KIAA1210: variants seen among roughly 807,000 people sequenced by gnomAD.
KIAA1210 encodes the protein acrosomal protein KIAA1210.
A neutral mutation model predicts 78.9 loss-of-function variants in KIAA1210; 48 were observed. That is an observed-to-expected ratio of 0.61 (90% CI 0.48 to 0.77). The LOEUF is 0.77. Among genes scored for constraint, KIAA1210 ranks in the 30% least tolerant of loss-of-function variants. The probability of loss-of-function intolerance (pLI) is 0.00; values close to 1 mark genes in which losing one functional copy is unlikely to be tolerated. For synonymous variants in KIAA1210, 406 were observed against 404.5 expected (o/e 1.00, Z -0.04); for missense variants, 1,108 against 1,100.0 (o/e 1.01, Z -0.10).
In KIAA1210 at chrX:119,142,207, T is replaced by A. The variant is rs1357930854; in HGVS notation, c.410+5266A>T. ...GATTCATTCATTTAATAATTGTTCA[T>A]TGAGCTCCTGATATGTGCTAAGAAG... On this transcript the variant is annotated intron_variant, in intron 2 of 13. Coordinates refer to the KIAA1210 transcript ENST00000402510. 1.4e-4 allele frequency among the ~76,000 whole-genome samples: 16 copies of A among 112,091 alleles called. No homozygotes were observed. The East Asian group carries it at 4.5e-3, about 31-fold the overall frequency.
rs1248980883 is a variant in KIAA1210, at chrX:119,087,449, G to T, written c.3253C>A (p.Pro1085Thr). ...ISSKMLPMKH[P>T]LQSLGRPEDP... Reference sequence around the variant, plus strand: ...TCAGGCCTCCCCAAGGACTGTAAAGGGTGCTTCATAGGTAGCATCTTTGAA... The same window carrying T: ...TCAGGCCTCCCCAAGGACTGTAAAGTGTGCTTCATAGGTAGCATCTTTGAA... Residue 1085 changes from proline to threonine, a missense_variant, in exon 9 of 12, where the codon CCT becomes ACT. By Grantham distance (38) the Pro-to-Thr change is conservative (BLOSUM62 -1). Around this residue, in one of 5 missense-constraint regions of KIAA1210, gnomAD observed 179 missense variants for 174.1 expected, o/e 1.03. Coordinates refer to ENST00000691062, the MANE Select transcript of KIAA1210 (RefSeq NM_001394962.1). 2 of 1,209,678 alleles carry T rather than the reference G, an allele frequency of 1.7e-6. No individual in the cohort carries two copies. The highest frequency in any genetic ancestry group is 1.1e-6 in the Non-Finnish European group (1 of 894,612).
chrX:119,127,743 C>T lies in KIAA1210; in HGVS notation c.-27G>A, dbSNP rs1264898475. On this transcript the variant is annotated 5_prime_UTR_variant, in exon 1 of 12. It adds an upstream start codon to the 5' untranslated region. Coordinates refer to ENST00000691062, the MANE Select transcript of KIAA1210 (RefSeq NM_001394962.1). ...TATACTTACTGCCTTTATGTCCTCA[C>T]TTTCTATTCTCGTGAGCTCTCCAAT... Among the ~76,000 whole-genome samples the T allele has an allele frequency of 1.8e-5, 2 of 112,098 alleles. No homozygotes were observed. The highest frequency in any genetic ancestry group is 3.8e-5 in the Non-Finnish European group (2 of 53,290).
upstream of KIAA1210, among the ~76,000 whole-genome samples, chrX:119,150,793 A>G (rs1929280932): frequency 9.0e-6 from 1 of 111,108 alleles, no homozygotes; most frequent in African/African-American, 3.3e-5. Flanking sequence ...TCCCCCGCCC[A>G]CCCCCGGGTC....
intron 3 of KIAA1210, among the ~76,000 whole-genome samples, chrX:119,115,284 A>C (rs750839484): frequency 9.0e-6 from 1 of 110,655 alleles, no homozygotes; most frequent in Non-Finnish European, 1.9e-5. Flanking sequence ...ACTTCTGGAA[A>C]GGAAGGAACA....
chrX:119,095,573 A>C (rs1185319943), intron 7 of KIAA1210, among the ~76,000 whole-genome samples: 1 of 110,831 alleles, frequency 9.0e-6, no homozygotes, highest in African/African-American at 3.3e-5. Flanking sequence ...TTTTTAGTAG[A>C]GACGGGGTTT....
At chrX:119,106,089 A>C in intron 5 of KIAA1210, among the ~76,000 whole-genome samples, 1 of 111,672 alleles carries the variant, frequency 9.0e-6, no homozygotes, top group Non-Finnish European at 1.9e-5. Context: ...GAAGCTTACA[A>C]AGGTTGTGCT....
intron 6 of KIAA1210, among the ~76,000 whole-genome samples, chrX:119,104,730 A>G (rs1927834939): frequency 8.9e-6 from 1 of 112,260 alleles, no homozygotes; most frequent in African/African-American, 3.2e-5. Context: ...CTGTATTTTT[A>G]TCTTCATGAA....
At chrX:119,133,137 G>A (rs969176532) in intron 2 of KIAA1210, among the ~76,000 whole-genome samples, 14 of 111,473 alleles carry the variant, frequency 1.3e-4, no homozygotes, top group Non-Finnish European at 2.3e-4. Context: ...GAAAGTATCA[G>A]AAAGGGCCCC....
intron 6 of KIAA1210, among the ~76,000 whole-genome samples, 169 bp from the exon 7 acceptor site, chrX:119,096,860 T>C (rs1436809956): frequency 1.8e-5 from 2 of 112,468 alleles, no homozygotes; most frequent in African/African-American, 6.5e-5. Flanking sequence ...GTAAGCTCCA[T>C]AATTTTACTG....
At chrX:119,149,412 A>T (rs1385250462) in intron 1 of KIAA1210, among the ~76,000 whole-genome samples, 1 of 111,052 alleles carries the variant, frequency 9.0e-6, no homozygotes, top group Non-Finnish European at 1.9e-5. Flanking sequence ...TTTCTCCCAG[A>T]GGGAGAAACT....
chrX:119,118,308 A>C (rs976597345), intron 2 of KIAA1210, among the ~76,000 whole-genome samples: 1 of 112,168 alleles, frequency 8.9e-6, no homozygotes, highest in African/African-American at 3.2e-5. Context: ...AGGAAAATTA[A>C]AGAATTGCAC....
chrX:119,149,894 C>G (rs1929253240), intron 1 of KIAA1210, among the ~76,000 whole-genome samples: 1 of 111,265 alleles, frequency 9.0e-6, no homozygotes, highest in Non-Finnish European at 1.9e-5. Flanking sequence ...CGTCTCTCTT[C>G]CACTTCTTGG....
intron 6 of KIAA1210, among the ~76,000 whole-genome samples, chrX:119,099,524 C>G (rs1052291275): frequency 1.8e-5 from 2 of 112,543 alleles, no homozygotes; most frequent in African/African-American, 6.5e-5. Context: ...GACTATGGAG[C>G]TCAAGCTCAG....
intron 2 of KIAA1210, among the ~76,000 whole-genome samples, chrX:119,143,295 C>G (rs1321607507): frequency 8.9e-6 from 1 of 112,414 alleles, no homozygotes; most frequent in Non-Finnish European, 1.9e-5. Flanking sequence ...GCAAAGCCAA[C>G]TGGATCCAAC....
chrX:119,084,445 A>T (rs183346386), intron 10 of KIAA1210, among the ~76,000 whole-genome samples: 10 of 112,490 alleles, frequency 8.9e-5, no homozygotes. Context: ...AAATGAAAAA[A>T]ACAGTATTTA....
At position 119,100,567 on chromosome X, in the gene KIAA1210, C is replaced by T. The variant is rs1164368431; in HGVS notation, c.649-3876G>A. Among the ~76,000 whole-genome samples the T allele has an allele frequency of 5.4e-5, 6 of 111,386 alleles. No homozygotes were observed. The East Asian group carries it at 8.5e-4, about 16-fold the overall frequency. On this transcript the variant is annotated intron_variant, in intron 6 of 11. Coordinates refer to ENST00000691062, the MANE Select transcript of KIAA1210 (RefSeq NM_001394962.1). ...GAACCCAATCTGCATATTATTTTTT[C>T]GTTCGTATAAATCTAAGGGGTAGAA...
At chrX:119,110,798 T>A (rs1254108011) in intron 3 of KIAA1210, among the ~76,000 whole-genome samples, 1 of 111,521 alleles carries the variant, frequency 9.0e-6, no homozygotes, top group Non-Finnish European at 1.9e-5. Context: ...AATGCCAAAG[T>A]CCTGAATAAA....
rs747037879 is a variant in KIAA1210, at chrX:119,087,953, T to C, written c.2749A>G (p.Lys917Glu). ...KYTSPPWVTP[K>E]FEELYQLSAH... ...GAGAGTTGATACAGTTCCTCAAATT[T>C]AGGGGTCACCCATGGCGGGGAAGTG... Residue 917 changes from lysine to glutamate, a missense_variant, in exon 9 of 12, where the codon AAA becomes GAA. Coordinates refer to ENST00000691062, the MANE Select transcript of KIAA1210 (RefSeq NM_001394962.1). The C allele has an allele frequency of 8.3e-7, 1 of 1,211,665 alleles. No individual in the cohort carries two copies.
chrX:119,109,892 T>C (rs1473956716), intron 3 of KIAA1210, among the ~76,000 whole-genome samples: 1 of 111,682 alleles, frequency 9.0e-6, no homozygotes, highest in Admixed American at 9.5e-5. Flanking sequence ...GCTTGCTAAA[T>C]CCAGATGAAA....
Sources: allele counts gnomAD v4.1 joint callset (sites outside exome capture counted in the v4.1 genomes callset), GRCh38; gene constraint gnomAD v4.1.1; regional missense constraint gnomAD v4.1.1; transcripts MANE v1.5; gene names NCBI Gene and HGNC (gene_info 2026-07-23, HGNC 2026-07-21).